The following DNAH9 variants were observed in gnomAD, a reference collection of about 807,000 sequenced individuals.
DNAH9 encodes the protein dynein axonemal heavy chain 9, also known as DNAH9 variant protein.
In DNAH9, 345 loss-of-function variants were observed where a neutral mutation model predicts 471.6. The observed-to-expected ratio is 0.73, with a 90% CI of 0.67 to 0.80. The LOEUF (loss-of-function observed/expected upper bound fraction) is 0.80. DNAH9 is among the 30% of genes least tolerant of loss of function. The pLI, the probability that DNAH9 is intolerant of heterozygous loss-of-function variation, is 0.00. For missense variants in DNAH9, 5,407 were observed against 5,609.2 expected (o/e 0.96, Z 1.15); for synonymous variants, 2,093 against 2,123.6 (o/e 0.99, Z 0.40).
chr17:11,749,400 T>C (rs1967055883), intron 32 of DNAH9, among the ~76,000 whole-genome samples: 1 of 152,118 alleles, frequency 6.6e-6, no homozygotes, highest in Non-Finnish European at 1.5e-5. Context: ...AGTTTTTTAA[T>C]ATATCAAAGA....
chr17:11,710,782 T>C (rs1012068649), intron 26 of DNAH9, among the ~76,000 whole-genome samples: 1 of 152,204 alleles, frequency 6.6e-6, no homozygotes, highest in Non-Finnish European at 1.5e-5. Flanking sequence ...CTTTAACCTG[T>C]TTTAATCATT....
At chr17:11,745,381 A>G (rs1445954721) in intron 31 of DNAH9, among the ~76,000 whole-genome samples, 1 of 152,176 alleles carries the variant, frequency 6.6e-6, no homozygotes, top group Non-Finnish European at 1.5e-5. Context: ...AAGGACAAAG[A>G]CAGAGGCCAA....
intron 61 of DNAH9, 127 bp downstream of exon 61, chr17:11,905,936 C>T: frequency 1.6e-6 from 2 of 1,229,790 alleles, no homozygotes; most frequent in Non-Finnish European, 2.2e-6. Context: ...ATACAGAAGT[C>T]AGGGTCATTG....
At chr17:11,965,343 T>C (rs552328387) in intron 68 of DNAH9, among the ~76,000 whole-genome samples, 1 of 152,248 alleles carries the variant, frequency 6.6e-6, no homozygotes, top group Non-Finnish European at 1.5e-5. Context: ...TTGTGACTTA[T>C]TGGTTCTAGG....
chr17:11,808,883 A>G (rs4792180), intron 44 of DNAH9, among the ~76,000 whole-genome samples: 69,137 of 151,960 alleles, frequency 0.45, 15,902 homozygotes, highest in Non-Finnish European at 0.49. Flanking sequence ...AGAACTGAGA[A>G]ACACTGTCTT....
intron 14 of DNAH9, among the ~76,000 whole-genome samples, chr17:11,654,408 G>A (rs185802541): frequency 2.0e-4 from 29 of 147,372 alleles, no homozygotes; most frequent in Non-Finnish European, 4.2e-4. Context: ...TCCATCTATC[G>A]TCTATGTATC....
rs1052916090 is a variant in DNAH9 at position 11,617,583 on chromosome 17, T to G, written c.1077T>G (p.Thr359=). 1.2e-6 allele frequency: 2 copies of G among 1,614,054 alleles called. No individual in the cohort carries two copies. Among genetic ancestry groups the G allele is most frequent in the African/African-American group, 2.7e-5 (2 of 74,932 alleles). The change falls in exon 5 of 69, where the codon ACT becomes ACG. Residue 359 remains threonine, a synonymous_variant. Coordinates refer to ENST00000262442, the MANE Select transcript of DNAH9 (RefSeq NM_001372.4). The part of the protein sequence containing the change: ...CKSYRSPGRL[T]VLLQEICNLL... The stretch of plus-strand genomic sequence containing the variant: ...CCTACCGCTCCCCGGGAAGGCTGAC[T>G]GTGCTGCTCCAGGAGATTTGCAACC...
chr17:11,876,380 AC>A (rs1308541121), intron 53 of DNAH9, among the ~76,000 whole-genome samples: 1 of 152,176 alleles, frequency 6.6e-6, no homozygotes, highest in African/African-American at 2.4e-5. Flanking sequence ...TAGCTTATGT[AC>A]CCCATAAATA....
chr17:11,650,221 G>A (rs1424426410), intron 12 of DNAH9, among the ~76,000 whole-genome samples: 2 of 152,206 alleles, frequency 1.3e-5, no homozygotes, highest in African/African-American at 4.8e-5. Flanking sequence ...AGTACTGGAA[G>A]GAGAGCTAGG....
intron 57 of DNAH9, among the ~76,000 whole-genome samples, chr17:11,890,200 T>C (rs778869484): frequency 1.3e-5 from 2 of 152,058 alleles, no homozygotes; most frequent in African/African-American, 4.8e-5. Context: ...AGGAGAAAGC[T>C]CTCCACTCTG....
At chr17:11,632,499 T>C in intron 7 of DNAH9, 88 bp from the exon 8 acceptor site, 1 of 705,180 alleles carries the variant, frequency 1.4e-6, no homozygotes, top group African/African-American at 1.8e-5. Context: ...TATAACCAGT[T>C]CAAACACAAA....
At chr17:11,901,904 C>T (rs114279917) in intron 59 of DNAH9, among the ~76,000 whole-genome samples, 2 of 152,204 alleles carry the variant, frequency 1.3e-5, no homozygotes, top group Non-Finnish European at 2.9e-5. Flanking sequence ...GGGAGGTCTA[C>T]ATGTTCTACA....
Position 11,606,447 on chromosome 17 carries a change from TC to T in DNAH9, c.418-1681del, listed in dbSNP as rs1316387086. Among the ~76,000 whole-genome samples the T allele has an allele frequency of 1.1e-3, 108 of 101,958 alleles. 3 individuals carry two copies. Among genetic ancestry groups the T allele is most frequent in the African/African-American group, 2.8e-3 (75 of 26,486 alleles). 66.9% of individuals were successfully genotyped at this position (101,958 alleles called of 152,430 possible). A position where few individuals can be genotyped will look rare whatever the true frequency, so the allele number is the denominator to read the frequency against. On this transcript the variant is annotated intron_variant, in intron 1 of 68. Transcript: ENST00000262442. The stretch of plus-strand genomic sequence containing the variant: ...CAACTTTCTTTCTTTTCTTTTCTTT[TC>T]TTTTCTTTTTTTTTTTTTTGAGACA...
chr17:11,790,843 C>T (rs1044690912), intron 41 of DNAH9, among the ~76,000 whole-genome samples: 7 of 152,040 alleles, frequency 4.6e-5, no homozygotes, highest in African/African-American at 1.7e-4. Context: ...TTACCAAAAG[C>T]ATCATTTTAT....
At chr17:11,797,864 ATTTGAGG>A in intron 43 of DNAH9, 71 bp downstream of exon 43, 1 of 1,485,274 alleles carries the variant, frequency 6.7e-7, no homozygotes, top group Non-Finnish European at 9.1e-7. Flanking sequence ...TCATTCGGCT[ATTTGAGG>A]TCACTTCCGT....
rs111437105 is a variant in DNAH9, at chr17:11,669,239, A to G, written c.2907A>G (p.Gln969=). The change falls in exon 16 of 69, where the codon CAA becomes CAG. Residue 969 remains glutamine, a synonymous_variant. Transcript: ENST00000262442. ...IPSLVPRLSP[Q]NGSPHYQVDL... ...CTCTGGTGCCACGGCTTTCCCCACAAAATGGCTCTCCTCACTATCAGGTAC... is the reference window on the plus strand; with the variant it reads ...CTCTGGTGCCACGGCTTTCCCCACAGAATGGCTCTCCTCACTATCAGGTAC... 49 of 1,613,668 alleles carry G rather than the reference A, an allele frequency of 3.0e-5. No individual in the cohort carries two copies. The African/African-American group carries it at 3.3e-4, about 11-fold the overall frequency.
Position 11,769,132 on chromosome 17 carries a change from T to C in DNAH9, c.7355T>C (p.Val2452Ala), listed in dbSNP as rs748864895. Residue 2452 changes from valine to alanine, a missense_variant, in exon 38 of 69, where the codon GTG (valine) becomes GCG (alanine). Physicochemically the swap from Val to Ala is moderately conservative, Grantham distance 64. Around this residue, in one of 3 missense-constraint regions of DNAH9, gnomAD observed 4,636 missense variants for 4,900.3 expected, o/e 0.95. Transcript: ENST00000262442. ...GTGCTCCCATTCCAGGCGTGTTTGG[T>C]GCACACGAGTGAGACCATCCGTGTG... ...DPEMPLQACL[V>A]HTSETIRVCY... 5 of 1,614,110 alleles carry C rather than the reference T, an allele frequency of 3.1e-6. No individual in the cohort carries two copies. Among genetic ancestry groups the C allele is most frequent in the Middle Eastern group, 1.7e-4 (1 of 6,054 alleles).
At chr17:11,693,404 C>A (rs1161527903) in intron 20 of DNAH9, among the ~76,000 whole-genome samples, 1 of 151,394 alleles carries the variant, frequency 6.6e-6, no homozygotes, top group Admixed American at 6.6e-5. Context: ...CAGGCCTGCA[C>A]CACCAAGCCC....
At chr17:11,753,065 C>A in intron 33 of DNAH9, 105 bp downstream of exon 33, 2 of 966,616 alleles carry the variant, frequency 2.1e-6, no homozygotes. Context: ...TGATGGCTGG[C>A]TCAGAGTAAG....
Sources: allele counts gnomAD v4.1 joint callset (sites outside exome capture counted in the v4.1 genomes callset), GRCh38; gene constraint gnomAD v4.1.1; regional missense constraint gnomAD v4.1.1; transcripts MANE v1.5; gene names NCBI Gene and HGNC (gene_info 2026-07-23, HGNC 2026-07-21).